Variants in YPEL2 observed in about 807,000 individuals in gnomAD.
YPEL2 encodes protein yippee-like 2.
YPEL2 carries 2 observed loss-of-function variants against 19.1 expected under a neutral mutation model. The observed-to-expected ratio is 0.10, with a 90% CI of 0.04 to 0.33. YPEL2 has a LOEUF of 0.33. Among genes scored for constraint, YPEL2 ranks in the 10% least tolerant of loss-of-function variants. The probability of loss-of-function intolerance (pLI) is 1.00; values close to 1 mark genes in which losing one functional copy is unlikely to be tolerated. For synonymous variants in YPEL2, 52 were observed against 50.0 expected (o/e 1.04, Z -0.17); for missense variants, 66 against 140.7 (o/e 0.47, Z 2.68).
At chr17:59,380,937 C>G (rs139941487) in intron 2 of YPEL2, among the ~76,000 whole-genome samples, 1 of 152,298 alleles carries the variant, frequency 6.6e-6, no homozygotes, top group Non-Finnish European at 1.5e-5. Flanking sequence ...AGAGGGAGAC[C>G]AAAGTCACCA....
intron 1 of YPEL2, among the ~76,000 whole-genome samples, chr17:59,332,306 C>T (rs1275388077): frequency 6.6e-6 from 1 of 152,160 alleles, no homozygotes; most frequent in Non-Finnish European, 1.5e-5. Context: ...GGGGCGCCGC[C>T]CTGGGGGCCT....
At chr17:59,371,481 G>C (rs552570269) in intron 2 of YPEL2, among the ~76,000 whole-genome samples, 3 of 152,348 alleles carry the variant, frequency 2.0e-5, no homozygotes, top group African/African-American at 4.8e-5. Flanking sequence ...CTGAAAGTTT[G>C]TAAGTGTTGA....
intron 1 of YPEL2, among the ~76,000 whole-genome samples, chr17:59,332,681 C>T (rs1342352147): frequency 1.3e-5 from 2 of 152,192 alleles, no homozygotes; most frequent in South Asian, 2.1e-4. Flanking sequence ...GCTACCTCTG[C>T]CTTCAGTCTT....
At chr17:59,382,444 C>G (rs1268620226) in intron 2 of YPEL2, among the ~76,000 whole-genome samples, 1 of 152,212 alleles carries the variant, frequency 6.6e-6, no homozygotes, top group Non-Finnish European at 1.5e-5. Context: ...TAGGCCCAGC[C>G]TGGAAGCAGA....
intron 2 of YPEL2, among the ~76,000 whole-genome samples, chr17:59,366,408 TC>T (rs1054239537): frequency 1.3e-5 from 2 of 152,144 alleles, no homozygotes; most frequent in Non-Finnish European, 2.9e-5. Context: ...CCTAAGGTTA[TC>T]CGGGGCAGCT....
chr17:59,334,006 A>T (rs1359188977), intron 1 of YPEL2, among the ~76,000 whole-genome samples: 1 of 152,214 alleles, frequency 6.6e-6, no homozygotes, highest in Admixed American at 6.5e-5. Context: ...ACACTAGCTT[A>T]GGCTTTGAAA....
chr17:59,390,176 A>G (rs2048000620), intron 4 of YPEL2, among the ~76,000 whole-genome samples: 1 of 151,620 alleles, frequency 6.6e-6, no homozygotes, highest in Non-Finnish European at 1.5e-5. Flanking sequence ...TATTTTTTGT[A>G]TTTTTAGTAG....
rs1199828312 is a variant in YPEL2 at position 59,358,408 on chromosome 17, C to T, written c.117+4882C>T. 3.3e-5 allele frequency among the ~76,000 whole-genome samples: 5 copies of T among 151,940 alleles called. No homozygotes were observed. In the East Asian group the frequency reaches 9.6e-4, roughly 29 times the overall value. The stretch of plus-strand genomic sequence containing the variant: ...AGTGGCTGCCAAGAGGTAGACTCTG[C>T]CCTTGGTTTCCCACCTCTGGCTCTG... On this transcript the variant is annotated intron_variant, in intron 2 of 4. Transcript: ENST00000312655.
Position 59,399,490 on chromosome 17 carries a change from A to G in YPEL2, c.*2300A>G, listed in dbSNP as rs2048058937. The G allele has an allele frequency of 1.3e-5, 2 of 151,878 alleles. No individual in the cohort carries two copies. Among genetic ancestry groups the G allele is most frequent in the African/African-American group, 4.8e-5 (2 of 41,336 alleles). The allele number at this position is 151,878 out of a possible 1,614,324, so 9.4% of individuals were successfully genotyped here. A position where few individuals can be genotyped will look rare whatever the true frequency, so the allele number is the denominator to read the frequency against. On this transcript the variant is annotated 3_prime_UTR_variant, in exon 5 of 5. Transcript: ENST00000312655. ...TGGGGATGAGGCCTTTGACTGTTGGATGGATCAGAGCAGGCTCCAGTCAGA... is the reference window on the plus strand; with the variant it reads ...TGGGGATGAGGCCTTTGACTGTTGGGTGGATCAGAGCAGGCTCCAGTCAGA...
chr17:59,397,296 C>A lies in YPEL2; in HGVS notation c.*106C>A. 2 of 838,802 alleles carry A rather than the reference C, an allele frequency of 2.4e-6. No homozygotes were observed. The highest frequency in any genetic ancestry group is 3.5e-6 in the Non-Finnish European group (2 of 572,608). 52.0% of individuals were successfully genotyped at this position (838,802 alleles called of 1,614,324 possible). A position where few individuals can be genotyped will look rare whatever the true frequency, so the allele number is the denominator to read the frequency against. ...ACACTTGGTTCCATCCATTTAGGGG[C>A]CTTGCCATCCGGGGCATCCTCCCAC... On this transcript the variant is annotated 3_prime_UTR_variant, in exon 5 of 5. Transcript: ENST00000312655.
intron 1 of YPEL2, among the ~76,000 whole-genome samples, chr17:59,342,858 G>A (rs765112004): frequency 2.0e-5 from 3 of 152,146 alleles, no homozygotes; most frequent in Non-Finnish European, 4.4e-5. Context: ...GGGTTTTGTG[G>A]GGACCACCTT....
chr17:59,351,065 T>C (rs918973872), intron 1 of YPEL2, among the ~76,000 whole-genome samples: 1 of 151,968 alleles, frequency 6.6e-6, no homozygotes, highest in African/African-American at 2.4e-5. Flanking sequence ...TATCCTGAAA[T>C]GGAACAGGAG....
In YPEL2 at chr17:59,397,805, T is replaced by C. The variant is rs967129171; in HGVS notation, c.*615T>C. The C allele has an allele frequency of 3.3e-5, 5 of 152,412 alleles. No individual in the cohort carries two copies. Among genetic ancestry groups the C allele is most frequent in the Admixed American group, 2.0e-4 (3 of 15,292 alleles). 9.4% of individuals were successfully genotyped at this position (152,412 alleles called of 1,614,324 possible). Reference sequence around the variant, plus strand: ...TGAGCACAAGATGTGGCCCTGATTCTAGTTGGTGGGGCAAGGGCCTGGTTC... The same window carrying C: ...TGAGCACAAGATGTGGCCCTGATTCCAGTTGGTGGGGCAAGGGCCTGGTTC... On this transcript the variant is annotated 3_prime_UTR_variant, in exon 5 of 5. Coordinates refer to ENST00000312655, the MANE Select transcript of YPEL2 (RefSeq NM_001005404.4).
At chr17:59,361,560 G>C (rs2047840926) in intron 2 of YPEL2, among the ~76,000 whole-genome samples, 1 of 152,144 alleles carries the variant, frequency 6.6e-6, no homozygotes, top group African/African-American at 2.4e-5. Flanking sequence ...TCCTAAGACT[G>C]GTAGATTCTC....
intron 2 of YPEL2, among the ~76,000 whole-genome samples, chr17:59,371,511 T>A (rs926620793): frequency 3.9e-5 from 6 of 152,206 alleles, no homozygotes; most frequent in African/African-American, 1.4e-4. Flanking sequence ...AAACTCTGTG[T>A]TTGTGTGAGC....
At chr17:59,394,464 G>A (rs1319993196) in intron 4 of YPEL2, among the ~76,000 whole-genome samples, 2 of 151,492 alleles carry the variant, frequency 1.3e-5, no homozygotes, top group African/African-American at 2.4e-5. Context: ...TGGCGGCCGG[G>A]AAGAGGCACT....
At chr17:59,359,251 C>G (rs899444380) in intron 2 of YPEL2, among the ~76,000 whole-genome samples, 2 of 152,178 alleles carry the variant, frequency 1.3e-5, no homozygotes, top group Non-Finnish European at 2.9e-5. Flanking sequence ...TACAATAAAA[C>G]TACTCTCTGA....
chr17:59,378,126 A>G (rs1567753328), intron 2 of YPEL2, among the ~76,000 whole-genome samples: 1 of 152,002 alleles, frequency 6.6e-6, no homozygotes. Flanking sequence ...TCCCTTGAAC[A>G]TCAGGCAACA....
intron 4 of YPEL2, 105 bp from the exon 5 acceptor site, chr17:59,396,996 A>G: frequency 1.3e-6 from 1 of 744,420 alleles, no homozygotes; most frequent in Non-Finnish European, 2.1e-6. Flanking sequence ...GCGTCATTGC[A>G]CTCCAGCCTG....
Sources: gnomAD v4.1 joint callset for allele counts (sites outside exome capture counted in the v4.1 genomes callset) on GRCh38, gnomAD v4.1.1 for gene constraint, MANE v1.5 for transcripts, NCBI Gene and HGNC (gene_info 2026-07-23, HGNC 2026-07-21) for gene names.